The following PSIP1 variants were observed in gnomAD, a reference collection of about 807,000 sequenced individuals.
The protein encoded by PSIP1 is PC4 and SFRS1-interacting protein.
In PSIP1, 19 loss-of-function variants were observed where a neutral mutation model predicts 74.7. The ratio of observed to expected loss-of-function variants is 0.25; its 90% CI spans 0.18 to 0.37. PSIP1 has a LOEUF of 0.37. Among genes scored for constraint, PSIP1 ranks in the 10% least tolerant of loss-of-function variants. The pLI, the probability that PSIP1 is intolerant of heterozygous loss-of-function variation, is 1.00. For synonymous variants in PSIP1, 222 were observed against 195.3 expected, an observed-to-expected ratio of 1.14 and a Z score of -1.14; for missense variants, 601 against 614.3, an observed-to-expected ratio of 0.98 and a Z score of 0.23.
chr9:15,472,455 G>C, intron 10 of PSIP1, 177 bp downstream of exon 10: 7 of 1,392,290 alleles, frequency 5.0e-6, no homozygotes, highest in Non-Finnish European at 5.5e-6. Flanking sequence ...CATCCTCTCA[G>C]AAGAGAATGA....
At chr9:15,482,854 T>C (rs2036395424) in intron 6 of PSIP1, among the ~76,000 whole-genome samples, 1 of 152,298 alleles carries the variant, frequency 6.6e-6, no homozygotes, top group South Asian at 2.1e-4. Context: ...CTAGTTTCTG[T>C]CCTTACCATT....
chr9:15,465,516 C>T lies in PSIP1; in HGVS notation c.*4G>A. The T allele has an allele frequency of 6.5e-7, 1 of 1,547,036 alleles. No homozygotes were observed. Among genetic ancestry groups the T allele is most frequent in the Non-Finnish European group, 8.9e-7 (1 of 1,127,974 alleles). ...AGTGTTCTCTATATTCCAGGTATGT[C>T]AACCTAGTTATCTAGTGTAGAATCC... is the stretch of plus-strand genomic sequence containing the variant. On this transcript the variant is annotated 3_prime_UTR_variant, in exon 16 of 16. Coordinates refer to ENST00000380733, the MANE Select transcript of PSIP1 (RefSeq NM_033222.5).
At chr9:15,489,445 T>C (rs2132136931) in intron 4 of PSIP1, 1 of 151,580 alleles carries the variant, frequency 6.6e-6, no homozygotes. Flanking sequence ...CTGTCTCTAG[T>C]AAAAATACAA....
chr9:15,468,880 C>T, intron 13 of PSIP1, 37 bp from the exon 14 acceptor site: 1 of 1,604,538 alleles, frequency 6.2e-7, no homozygotes, highest in South Asian at 1.1e-5. Flanking sequence ...AATTGTTTTC[C>T]TAATTGATTT....
At chr9:15,508,756 G>A (rs556387754) in intron 2 of PSIP1, among the ~76,000 whole-genome samples, 4 of 152,090 alleles carry the variant, frequency 2.6e-5, no homozygotes, top group African/African-American at 9.7e-5. Context: ...TATATACTAC[G>A]GACTATGGAG....
At chr9:15,488,766 A>G (rs1030412274) in intron 4 of PSIP1, among the ~76,000 whole-genome samples, 1 of 152,068 alleles carries the variant, frequency 6.6e-6, no homozygotes, top group Non-Finnish European at 1.5e-5. Flanking sequence ...TCAGGCCTGT[A>G]ATCCCAACAC....
At chr9:15,471,316 C>T in intron 10 of PSIP1, 2 of 1,564,546 alleles carry the variant, frequency 1.3e-6, no homozygotes, top group Non-Finnish European at 1.8e-6. Flanking sequence ...GCAAAACTGT[C>T]CAAGTACAAA....
intron 3 of PSIP1, among the ~76,000 whole-genome samples, chr9:15,500,329 G>C (rs1376835256): frequency 1.3e-5 from 2 of 152,138 alleles, no homozygotes; most frequent in East Asian, 1.9e-4. Context: ...GCTGGGTGTG[G>C]TGGCGAGCGC....
intron 9 of PSIP1, among the ~76,000 whole-genome samples, chr9:15,473,276 T>C (rs760736451): frequency 1.1e-4 from 16 of 152,258 alleles, no homozygotes; most frequent in Non-Finnish European, 1.8e-4. Flanking sequence ...AAATGTACAA[T>C]AGGCCTGAAG....
intron 3 of PSIP1, among the ~76,000 whole-genome samples, chr9:15,491,702 T>C (rs961712805): frequency 3.3e-5 from 5 of 152,178 alleles, no homozygotes; most frequent in African/African-American, 9.7e-5. Flanking sequence ...TGAACCACTA[T>C]AGGTGTGTTA....
intron 10 of PSIP1, chr9:15,470,765 AATGTC>A (rs1329291370): frequency 9.2e-6 from 9 of 976,542 alleles, no homozygotes; most frequent in Non-Finnish European, 1.1e-5. Flanking sequence ...ACAACAAAGG[AATGTC>A]AAGAGAAGGG....
chr9:15,504,662 A>T (rs1029497884), intron 3 of PSIP1, among the ~76,000 whole-genome samples: 8 of 151,784 alleles, frequency 5.3e-5, no homozygotes, highest in Non-Finnish European at 1.0e-4. Flanking sequence ...GCGTGAACCC[A>T]GGAGGCGGAG....
Position 15,486,824 on chromosome 9 carries a change from T to C in PSIP1, c.393+3A>G, listed in dbSNP as rs531892663. ...TTAAAATGTTAGGAGAAATAGAACA[T>C]ACCTCATTGCTGGCTTTTTCTTCAT... is the stretch of plus-strand genomic sequence containing the variant. On this transcript the variant is annotated splice_donor_region_variant and intron_variant, in intron 5 of 15. Coordinates refer to ENST00000380733, the MANE Select transcript of PSIP1 (RefSeq NM_033222.5). 2.1e-4 allele frequency: 336 copies of C among 1,585,322 alleles called. 4 individuals carry two copies. The South Asian group carries it at 3.6e-3, about 17-fold the overall frequency.
chr9:15,484,042 G>C (rs1345924248), intron 6 of PSIP1, among the ~76,000 whole-genome samples: 1 of 148,360 alleles, frequency 6.7e-6, no homozygotes. Flanking sequence ...TGAGGCAGGA[G>C]AATCGCTTGA....
At chr9:15,490,500 T>C (rs1563886709) in intron 3 of PSIP1, among the ~76,000 whole-genome samples, 1 of 151,828 alleles carries the variant, frequency 6.6e-6, no homozygotes, top group East Asian at 1.9e-4. Flanking sequence ...CTGGCCAACA[T>C]GGTGAAACCC....
chr9:15,468,118 T>A (rs1231175979), intron 14 of PSIP1, among the ~76,000 whole-genome samples: 1 of 67,052 alleles, frequency 1.5e-5, no homozygotes, highest in Non-Finnish European at 3.4e-5. Context: ...CGAAACTCCA[T>A]CTTTTAAAAA....
In PSIP1 at chr9:15,510,229, G is replaced by C. The variant is rs370717909; in HGVS notation, c.-41C>G. ...CCGGGGGTCCGAAGCCCGGGAGGCG[G>C]CGAGGAGATGCGGCGGCGCGGGGAT... On this transcript the variant is annotated 5_prime_UTR_variant, in exon 2 of 16. Transcript: ENST00000380733. The C allele has an allele frequency of 2.0e-5, 31 of 1,575,244 alleles. No individual in the cohort carries two copies. The African/African-American group carries it at 4.2e-4, about 21-fold the overall frequency.
At chr9:15,469,734 A>G (rs1321745081) in intron 11 of PSIP1, among the ~76,000 whole-genome samples, 1 of 152,186 alleles carries the variant, frequency 6.6e-6, no homozygotes, top group Non-Finnish European at 1.5e-5. Context: ...ATTAATGAGC[A>G]TTAAACATAA....
At chr9:15,489,095 G>T (rs574940614) in intron 4 of PSIP1, among the ~76,000 whole-genome samples, 1 of 152,100 alleles carries the variant, frequency 6.6e-6, no homozygotes, top group East Asian at 1.9e-4. Context: ...TTTTCTGTAG[G>T]ATAAAAACAA....
Sources: gnomAD v4.1 joint callset for allele counts (sites outside exome capture counted in the v4.1 genomes callset) on GRCh38, gnomAD v4.1.1 for gene constraint, MANE v1.5 for transcripts, NCBI Gene and HGNC (gene_info 2026-07-23, HGNC 2026-07-21) for gene names.